HNRNPH1: variants seen among roughly 807,000 people sequenced by gnomAD.
The protein encoded by HNRNPH1 is heterogeneous nuclear ribonucleoprotein H.
Under a neutral mutation model 58.6 loss-of-function variants are expected in HNRNPH1, and 4 were observed. The ratio of observed to expected loss-of-function variants is 0.07; its 90% CI spans 0.03 to 0.16. The LOEUF is 0.16. HNRNPH1 is among the 10% of genes least tolerant of loss of function. The probability of loss-of-function intolerance (pLI) is 1.00; values close to 1 mark genes in which losing one functional copy is unlikely to be tolerated. For synonymous variants in HNRNPH1, 192 were observed against 189.2 expected, an observed-to-expected ratio of 1.01 and a Z score of -0.12; for missense variants, 271 against 564.2, an observed-to-expected ratio of 0.48 and a Z score of 5.26.
rs966224707 is a variant in HNRNPH1, at chr5:179,620,873, A to T, written c.397+19T>A. On this transcript the variant is annotated intron_variant, in intron 3 of 12. Transcript: ENST00000356731. Reference sequence around the variant, plus strand: ...AGCTAGCCAAAACTCACTGCTCAGCAACAAACATGACTACATACCTGAGAA... The same window carrying T: ...AGCTAGCCAAAACTCACTGCTCAGCTACAAACATGACTACATACCTGAGAA... 2.6e-5 allele frequency: 42 copies of T among 1,612,236 alleles called. No individual in the cohort carries two copies. The highest frequency in any genetic ancestry group is 3.5e-5 in the Non-Finnish European group (41 of 1,178,866).
chr5:179,618,536 A>AC, intron 4 of HNRNPH1: 1 of 410,474 alleles, frequency 2.4e-6, no homozygotes. Flanking sequence ...AAAAAAAAAA[A>AC]CTCACTCCTC....
At chr5:179,623,348 G>A (rs1009216508) in exon 1 of HNRNPH1, 21 of 388,920 alleles carry the variant, frequency 5.4e-5, no homozygotes, top group African/African-American at 3.6e-4. Flanking sequence ...AACAGCTGTC[G>A]GCGCCCCGAA....
At chr5:179,632,377 C>T (rs907180196) in intron 2 of HNRNPH1, among the ~76,000 whole-genome samples, 6 of 152,244 alleles carry the variant, frequency 3.9e-5, no homozygotes, top group African/African-American at 1.4e-4. Flanking sequence ...CACCCCCTCC[C>T]CCGCCGCGGC....
chr5:179,632,619 G>C (rs929236266), intron 2 of HNRNPH1, among the ~76,000 whole-genome samples: 1 of 152,256 alleles, frequency 6.6e-6, no homozygotes. Flanking sequence ...AGGAGGGACC[G>C]AGCACGCCCT....
intron 6 of HNRNPH1, 24 bp downstream of exon 7, chr5:179,617,965 T>C: frequency 6.2e-7 from 1 of 1,613,904 alleles, no homozygotes; most frequent in South Asian, 1.1e-5. Flanking sequence ...ATCCTTCAAC[T>C]GAGAAATTCA....
At position 179,617,697 on chromosome 5, in the gene HNRNPH1, C is replaced by A. The variant is rs1042621530; in HGVS notation, c.922-48G>T. The A allele has an allele frequency of 3.1e-6, 5 of 1,601,462 alleles. No individual in the cohort carries two copies. The African/African-American group carries it at 6.7e-5, about 22-fold the overall frequency. ...GAATTCAACCAACTTTCTAACGTTA[C>A]AAAAAAAACCTAAAATTTCTAACAT... On this transcript the variant is annotated intron_variant, in intron 7 of 12. Coordinates refer to ENST00000356731, the Ensembl canonical transcript of HNRNPH1.
intron 4 of HNRNPH1, 29 bp downstream of exon 5, chr5:179,619,240 G>A (rs768097922): frequency 5.1e-6 from 8 of 1,568,810 alleles, no homozygotes; most frequent in Admixed American, 1.8e-5. Flanking sequence ...TAAGAAAAGT[G>A]ACATATCCAA....
chr5:179,623,667 A>T (rs1773925645), exon 1 of HNRNPH1: 1 of 152,864 alleles, frequency 6.5e-6, no homozygotes, highest in Non-Finnish European at 1.5e-5. Context: ...GGCTAAGACG[A>T]AATGGCCAGC....
intron 1 of HNRNPH1, chr5:179,622,004 C>A: frequency 2.2e-6 from 1 of 456,002 alleles, no homozygotes; most frequent in South Asian, 1.6e-5. Context: ...GTCAATACTA[C>A]AAACGTCTTG....
intron 2 of HNRNPH1, among the ~76,000 whole-genome samples, chr5:179,631,330 G>C (rs570440256): frequency 6.6e-6 from 1 of 152,128 alleles, no homozygotes; most frequent in Non-Finnish European, 1.5e-5. Flanking sequence ...AAATGATCTA[G>C]GTTCCGTGTG....
At chr5:179,628,737 C>G (rs572211472), upstream of HNRNPH1, among the ~76,000 whole-genome samples, 1 of 152,126 alleles carries the variant, frequency 6.6e-6, no homozygotes, top group Non-Finnish European at 1.5e-5. Context: ...GTCAAGAGTT[C>G]CAGACTAACC....
exon 10 of HNRNPH1, chr5:179,616,903 A>G: frequency 6.2e-7 from 1 of 1,614,160 alleles, no homozygotes; most frequent in Non-Finnish European, 8.5e-7. Context: ...GGCTACCATA[A>G]GCACCACCGC....
At chr5:179,620,626 A>C (rs1348211616) in intron 3 of HNRNPH1, 1 of 365,214 alleles carries the variant, frequency 2.7e-6, no homozygotes, top group Admixed American at 4.2e-5. Flanking sequence ...TGAGGAAAGT[A>C]GTTAAGCTGT....
exon 3 of HNRNPH1, chr5:179,621,016 A>C: frequency 6.2e-7 from 1 of 1,613,916 alleles, no homozygotes; most frequent in Non-Finnish European, 8.5e-7. Flanking sequence ...AATCCATTTC[A>C]ACGTTGTTTG....
At chr5:179,630,913 T>C (rs1774775121) in intron 2 of HNRNPH1, among the ~76,000 whole-genome samples, 1 of 136,056 alleles carries the variant, frequency 7.3e-6, no homozygotes, top group South Asian at 2.3e-4. Context: ...AAAAAAAATC[T>C]CAAAAAAGAA....
At chr5:179,622,947 G>GCCCCA (rs1184202600) in intron 1 of HNRNPH1, 90 bp downstream of exon 2, 1 of 16,840 alleles carries the variant, frequency 5.9e-5, no homozygotes, top group African/African-American at 1.7e-4. Context: ...GGCCCGGCCC[G>GCCCCA]CCCCGCCCCG....
chr5:179,628,925 G>C (rs951011563), upstream of HNRNPH1, among the ~76,000 whole-genome samples: 37 of 152,146 alleles, frequency 2.4e-4, no homozygotes, highest in African/African-American at 8.7e-4. Context: ...AGGTTGCAGT[G>C]AGCCAAGATC....
chr5:179,626,974 G>C (rs1293900425), upstream of HNRNPH1, among the ~76,000 whole-genome samples: 1 of 151,778 alleles, frequency 6.6e-6, no homozygotes, highest in African/African-American at 2.4e-5. Context: ...CTAGAGACGG[G>C]GTTTCACCGT....
intron 8 of HNRNPH1, 189 bp downstream of exon 9, chr5:179,617,325 G>C: frequency 1.4e-6 from 1 of 737,538 alleles, no homozygotes; most frequent in Non-Finnish European, 2.2e-6. Flanking sequence ...TTCAAGATGT[G>C]CATATCACAA....
Sources: allele counts gnomAD v4.1 joint callset (sites outside exome capture counted in the v4.1 genomes callset), GRCh38; gene constraint gnomAD v4.1.1; transcripts MANE v1.5; gene names NCBI Gene and HGNC (gene_info 2026-07-23, HGNC 2026-07-21).